The following APBA1 variants were observed in gnomAD, a reference collection of about 807,000 sequenced individuals.
APBA1 encodes the protein amyloid beta precursor protein binding family A member 1, also known as amyloid-beta A4 precursor protein-binding family A member 1.
In APBA1, 55 loss-of-function variants were observed where a neutral mutation model predicts 86.6. The observed-to-expected ratio is 0.64, with a 90% CI of 0.51 to 0.80. APBA1 has a LOEUF of 0.80. Among genes scored for constraint, APBA1 ranks in the 30% least tolerant of loss-of-function variants. APBA1 has a pLI of 0.00. For synonymous variants in APBA1, 511 were observed against 493.9 expected (o/e 1.03, Z -0.46); for missense variants, 1,090 against 1,183.0 (o/e 0.92, Z 1.15).
At chr9:69,637,041 C>G (rs1823193664) in intron 1 of APBA1, among the ~76,000 whole-genome samples, 1 of 151,688 alleles carries the variant, frequency 6.6e-6, no homozygotes, top group Non-Finnish European at 1.5e-5. Context: ...AGAATGAGAT[C>G]CTAAATGAAA....
At chr9:69,469,351 C>T (rs1174825044) in intron 4 of APBA1, among the ~76,000 whole-genome samples, 1 of 152,196 alleles carries the variant, frequency 6.6e-6, no homozygotes, top group African/African-American at 2.4e-5. Flanking sequence ...TGAGTTTACA[C>T]AGCTGCTTCC....
chr9:69,495,552 C>T (rs1835780894), intron 2 of APBA1, among the ~76,000 whole-genome samples: 1 of 152,046 alleles, frequency 6.6e-6, no homozygotes, highest in Non-Finnish European at 1.5e-5. Context: ...GGTGTCCGAC[C>T]CTCACATTAA....
intron 2 of APBA1, among the ~76,000 whole-genome samples, chr9:69,510,638 A>C (rs529184201): frequency 7.0e-6 from 1 of 142,310 alleles, no homozygotes; most frequent in East Asian, 2.2e-4. Context: ...AAAAGAACAA[A>C]GCTGGAGGCA....
intron 2 of APBA1, 40 bp from the exon 3 acceptor site, chr9:69,476,183 G>A (rs765665584): frequency 1.4e-6 from 2 of 1,465,406 alleles, no homozygotes; most frequent in Non-Finnish European, 9.5e-7. Context: ...GAACTTGAGA[G>A]ACTCGGCAGA....
chr9:69,481,993 C>T (rs1385343422), intron 2 of APBA1, among the ~76,000 whole-genome samples: 9 of 150,614 alleles, frequency 6.0e-5, no homozygotes, highest in Non-Finnish European at 1.0e-4. Flanking sequence ...AAGACTTAAA[C>T]GTTAGACCTA....
chr9:69,493,208 T>C (rs993360525), intron 2 of APBA1, among the ~76,000 whole-genome samples: 2 of 152,078 alleles, frequency 1.3e-5, no homozygotes, highest in Non-Finnish European at 2.9e-5. Context: ...ATAGAACACA[T>C]TCTAGACTCT....
At chr9:69,470,171 T>C (rs903933674) in intron 4 of APBA1, among the ~76,000 whole-genome samples, 1 of 152,202 alleles carries the variant, frequency 6.6e-6, no homozygotes, top group African/African-American at 2.4e-5. Flanking sequence ...TTGAATATAA[T>C]TGAATATCAC....
intron 1 of APBA1, among the ~76,000 whole-genome samples, chr9:69,568,701 C>T (rs1007086600): frequency 6.6e-6 from 1 of 152,184 alleles, no homozygotes; most frequent in Non-Finnish European, 1.5e-5. Context: ...GGTAACACAG[C>T]ACAGTGGTCA....
At chr9:69,462,564 A>AGCT (rs1357247548) in intron 5 of APBA1, 2 of 152,212 alleles carry the variant, frequency 1.3e-5, no homozygotes, top group Non-Finnish European at 2.9e-5. Context: ...TAAGTATGGG[A>AGCT]GCTGCTAGTT....
chr9:69,540,760 G>C (rs760041333), intron 1 of APBA1, among the ~76,000 whole-genome samples: 1 of 152,036 alleles, frequency 6.6e-6, no homozygotes, highest in Admixed American at 6.6e-5. Context: ...TACCGCACCC[G>C]GCTAATTTTA....
intron 1 of APBA1, among the ~76,000 whole-genome samples, chr9:69,526,648 G>A (rs1836346801): frequency 6.6e-6 from 1 of 152,076 alleles, no homozygotes; most frequent in Non-Finnish European, 1.5e-5. Flanking sequence ...AGCCACTGTG[G>A]AAAGCAGTTT....
At chr9:69,665,019 C>G (rs1338061431) in intron 1 of APBA1, among the ~76,000 whole-genome samples, 1 of 152,230 alleles carries the variant, frequency 6.6e-6, no homozygotes, top group African/African-American at 2.4e-5. Flanking sequence ...TCTCCAAATA[C>G]ACTGACAGTT....
intron 1 of APBA1, among the ~76,000 whole-genome samples, chr9:69,525,305 A>G (rs1214788399): frequency 6.6e-6 from 1 of 152,128 alleles, no homozygotes; most frequent in Non-Finnish European, 1.5e-5. Flanking sequence ...CTTTTCCCTG[A>G]CAATGTGATT....
At chr9:69,573,541 T>A (rs1424927367) in intron 1 of APBA1, among the ~76,000 whole-genome samples, 2 of 152,230 alleles carry the variant, frequency 1.3e-5, no homozygotes, top group African/African-American at 4.8e-5. Flanking sequence ...ACTTTGAACA[T>A]CTTAAGATTT....
At chr9:69,487,130 T>C (rs938917266) in intron 2 of APBA1, among the ~76,000 whole-genome samples, 6 of 151,948 alleles carry the variant, frequency 3.9e-5, no homozygotes, top group Non-Finnish European at 1.5e-5. Flanking sequence ...AACATTCTAT[T>C]CTAGAAAGGC....
chr9:69,543,276 T>TCC (rs5898083), intron 1 of APBA1, among the ~76,000 whole-genome samples: 3 of 145,304 alleles, frequency 2.1e-5, no homozygotes, highest in African/African-American at 5.2e-5. Context: ...TGCTGGGATT[T>TCC]CCCCCCCCCC....
chr9:69,532,563 T>C (rs1236802353), intron 1 of APBA1, among the ~76,000 whole-genome samples: 1 of 152,218 alleles, frequency 6.6e-6, no homozygotes. Flanking sequence ...ACAAAGTGCC[T>C]GCTCATGCAT....
rs146950825 is a variant in APBA1 at position 69,662,269 on chromosome 9, A to G, written c.-70+9884T>C. ...AGAACCTCAAAGTCCAATCTGCAAT[A>G]TAAGTTCTCTCCTGATGTGGTTATG... On this transcript the variant is annotated intron_variant, in intron 1 of 12. Coordinates refer to ENST00000265381, the MANE Select transcript of APBA1 (RefSeq NM_001163.4). 2.6e-3 allele frequency among the ~76,000 whole-genome samples: 400 copies of G among 152,336 alleles called. 1 individual carries two copies. The highest frequency in any genetic ancestry group is 9.1e-3 in the African/African-American group (377 of 41,574).
At chr9:69,503,494 C>G (rs1835908940) in intron 2 of APBA1, among the ~76,000 whole-genome samples, 1 of 152,196 alleles carries the variant, frequency 6.6e-6, no homozygotes, top group African/African-American at 2.4e-5. Flanking sequence ...CCCTCATCCT[C>G]TCAATATTAC....
Sources: allele counts gnomAD v4.1 joint callset (sites outside exome capture counted in the v4.1 genomes callset), GRCh38; gene constraint gnomAD v4.1.1; transcripts MANE v1.5; gene names NCBI Gene and HGNC (gene_info 2026-07-23, HGNC 2026-07-21).